SLC24A2: variants seen among roughly 807,000 people sequenced by gnomAD.
The protein encoded by SLC24A2 is solute carrier family 24 member 2.
In SLC24A2, 36 loss-of-function variants were observed where a neutral mutation model predicts 62.0. That is an observed-to-expected ratio of 0.58 (90% CI 0.44 to 0.77). The LOEUF (loss-of-function observed/expected upper bound fraction) is 0.77, where lower values mean the gene tolerates loss of function less well. Among genes scored for constraint, SLC24A2 ranks in the 30% least tolerant of loss-of-function variants. SLC24A2 has a pLI of 0.00. For synonymous variants in SLC24A2, 358 were observed against 294.0 expected (o/e 1.22, Z -2.23); for missense variants, 846 against 817.9 (o/e 1.03, Z -0.42).
the SLC24A2 span, among the ~76,000 whole-genome samples, chr9:19,938,315 A>G: frequency 1.3e-5 from 2 of 152,152 alleles, no homozygotes; most frequent in Non-Finnish European, 2.9e-5. Context: ...TCTTTAATAT[A>G]CTATTTCCCA....
chr9:19,728,592 G>T (rs1197018820), intron 2 of SLC24A2, among the ~76,000 whole-genome samples: 1 of 152,104 alleles, frequency 6.6e-6, no homozygotes, highest in African/African-American at 2.4e-5. Flanking sequence ...CAACTCTGGT[G>T]GGGAGAGAAG....
At chr9:19,676,514 T>A (rs566367407) in intron 2 of SLC24A2, among the ~76,000 whole-genome samples, 351 of 152,348 alleles carry the variant, frequency 2.3e-3, no homozygotes, top group African/African-American at 7.4e-3. Flanking sequence ...TTTCCTTGTT[T>A]ATCTATATCT....
At chr9:20,299,407 C>T in the SLC24A2 span, among the ~76,000 whole-genome samples, 1 of 152,142 alleles carries the variant, frequency 6.6e-6, no homozygotes, top group East Asian at 1.9e-4. Flanking sequence ...AGTGGATTGA[C>T]AGGCTCTGGA....
At chr9:19,876,719 T>C in the SLC24A2 span, among the ~76,000 whole-genome samples, 5 of 152,150 alleles carry the variant, frequency 3.3e-5, no homozygotes, top group African/African-American at 1.2e-4. Flanking sequence ...GTCTCTCTCA[T>C]AGCCATGGGA....
chr9:19,806,862 C>T, the SLC24A2 span, among the ~76,000 whole-genome samples: 1 of 152,124 alleles, frequency 6.6e-6, no homozygotes, highest in African/African-American at 2.4e-5. Context: ...TTTATTTTCA[C>T]AAGTAGGTCC....
At chr9:19,648,229 G>A (rs1818699039) in intron 2 of SLC24A2, among the ~76,000 whole-genome samples, 1 of 152,096 alleles carries the variant, frequency 6.6e-6, no homozygotes. Context: ...ATGTTCAAAG[G>A]CCGTCCAATT....
the SLC24A2 span, among the ~76,000 whole-genome samples, chr9:20,163,280 A>T: frequency 6.6e-6 from 1 of 152,182 alleles, no homozygotes; most frequent in African/African-American, 2.4e-5. Flanking sequence ...AACTTCAGCA[A>T]AGTCTCAGGA....
intron 2 of SLC24A2, among the ~76,000 whole-genome samples, chr9:19,653,547 TC>T (rs1226434494): frequency 6.6e-6 from 1 of 152,200 alleles, no homozygotes; most frequent in Non-Finnish European, 1.5e-5. Context: ...TAGCTTTCTT[TC>T]CAGGTGAAAA....
intron 7 of SLC24A2, among the ~76,000 whole-genome samples, chr9:19,563,673 TATA>T (rs980048879): frequency 1.3e-5 from 2 of 152,196 alleles, no homozygotes; most frequent in Non-Finnish European, 2.9e-5. Flanking sequence ...TTCTGATTTT[TATA>T]ATGACCTTCC....
rs561958815 is a variant in SLC24A2 at position 19,609,908 on chromosome 9, T to C, written c.1078+9676A>G. Among the ~76,000 whole-genome samples the C allele has an allele frequency of 3.9e-5, 6 of 152,240 alleles. No individual in the cohort carries two copies. In the South Asian group the frequency reaches 1.2e-3, roughly 32 times the overall value. ...GCACAGTTCACCATAGAGTTCACGC[T>C]CCTTTGAGAACTGAATGCCTCCTCT... On this transcript the variant is annotated intron_variant, in intron 4 of 10. Coordinates refer to ENST00000341998, the MANE Select transcript of SLC24A2 (RefSeq NM_020344.4).
chr9:20,005,865 T>TAAA, the SLC24A2 span, among the ~76,000 whole-genome samples: 1 of 140,740 alleles, frequency 7.1e-6, no homozygotes. Context: ...CCTACTCCAT[T>TAAA]AAAAAAAAAA....
At chr9:19,828,642 C>A in the SLC24A2 span, among the ~76,000 whole-genome samples, 1 of 152,076 alleles carries the variant, frequency 6.6e-6, no homozygotes, top group Non-Finnish European at 1.5e-5. Flanking sequence ...CTCTCCCCAC[C>A]CCCAACGACC....
chr9:19,550,115 A>G (rs1374275250), intron 8 of SLC24A2, 22 bp downstream of exon 8: 4 of 1,611,926 alleles, frequency 2.5e-6, no homozygotes, highest in Non-Finnish European at 3.4e-6. Context: ...CAAGGGAACT[A>G]TTTTTAAAAT....
the SLC24A2 span, among the ~76,000 whole-genome samples, chr9:20,294,587 G>A: frequency 6.6e-6 from 1 of 152,144 alleles, no homozygotes; most frequent in Admixed American, 6.5e-5. Flanking sequence ...TGACAACTCT[G>A]TATTAGAGAA....
At chr9:19,539,420 G>T (rs184360030) in intron 8 of SLC24A2, among the ~76,000 whole-genome samples, 184 of 151,998 alleles carry the variant, frequency 1.2e-3, no homozygotes, top group Non-Finnish European at 7.5e-4. Context: ...GTTCTCGCTG[G>T]TTTCGAAGAA....
At chr9:20,240,160 G>A in the SLC24A2 span, among the ~76,000 whole-genome samples, 1 of 152,148 alleles carries the variant, frequency 6.6e-6, no homozygotes, top group African/African-American at 2.4e-5. Flanking sequence ...TTTCAAGAAG[G>A]CAGGGAAAGA....
the SLC24A2 span, among the ~76,000 whole-genome samples, chr9:20,000,330 A>G: frequency 6.6e-6 from 1 of 152,196 alleles, no homozygotes; most frequent in African/African-American, 2.4e-5. Flanking sequence ...AGTAGCTAGT[A>G]TGCAGCTAGT....
intron 2 of SLC24A2, among the ~76,000 whole-genome samples, chr9:19,765,657 G>A (rs149551399): frequency 2.3e-4 from 35 of 152,354 alleles, no homozygotes; most frequent in African/African-American, 8.2e-4. Flanking sequence ...GGTTTCTGCA[G>A]ACAGAACTGC....
chr9:19,817,183 A>G, the SLC24A2 span, among the ~76,000 whole-genome samples: 1 of 151,894 alleles, frequency 6.6e-6, no homozygotes, highest in African/African-American at 2.4e-5. Context: ...GGGCAACTTC[A>G]CTCTTAAATC....
Sources: gnomAD v4.1 joint callset for allele counts (sites outside exome capture counted in the v4.1 genomes callset) on GRCh38, gnomAD v4.1.1 for gene constraint, MANE v1.5 for transcripts, NCBI Gene and HGNC (gene_info 2026-07-23, HGNC 2026-07-21) for gene names.